The following NEDD9 variants were observed in gnomAD, a reference collection of about 807,000 sequenced individuals.
NEDD9 encodes the protein enhancer of filamentation 1.
In NEDD9, 26 loss-of-function variants were observed where a neutral mutation model predicts 76.6. The ratio of observed to expected loss-of-function variants is 0.34; its 90% CI spans 0.25 to 0.47. NEDD9 has a LOEUF of 0.47. NEDD9 is among the 20% of genes least tolerant of loss of function. The pLI, the probability that NEDD9 is intolerant of heterozygous loss-of-function variation, is 1.00. For missense variants in NEDD9, 937 were observed against 1,058.5 expected, an observed-to-expected ratio of 0.89 and a Z score of 1.59; for synonymous variants, 392 against 414.2, an observed-to-expected ratio of 0.95 and a Z score of 0.65.
At chr6:11,270,756 T>A (rs1026598151) in intron 3 of NEDD9, among the ~76,000 whole-genome samples, 2 of 152,204 alleles carry the variant, frequency 1.3e-5, no homozygotes, top group African/African-American at 2.4e-5. Flanking sequence ...CCCTCATTAG[T>A]TATTTACGTT....
At chr6:11,312,318 T>C (rs1761395591) in intron 2 of NEDD9, among the ~76,000 whole-genome samples, 1 of 152,180 alleles carries the variant, frequency 6.6e-6, no homozygotes. Flanking sequence ...ATGGTTTCCA[T>C]TGTCCATCTT....
chr6:11,234,633 T>C (rs977990187), upstream of NEDD9, among the ~76,000 whole-genome samples: 1 of 152,092 alleles, frequency 6.6e-6, no homozygotes, highest in African/African-American at 2.4e-5. Context: ...CTTGGGTCAG[T>C]ATATAGTTAG....
chr6:11,200,645 GAA>G (rs1758420214), intron 2 of NEDD9: 2 of 1,146,874 alleles, frequency 1.7e-6, no homozygotes, highest in Non-Finnish European at 1.1e-6. Context: ...AAGTCAGATA[GAA>G]AGAAATCAAT....
intron 1 of NEDD9, among the ~76,000 whole-genome samples, chr6:11,377,226 T>C (rs1005875897): frequency 2.6e-5 from 4 of 152,218 alleles, no homozygotes; most frequent in African/African-American, 9.6e-5. Context: ...ACCAGGGCAC[T>C]ACCTAGTGGA....
intron 3 of NEDD9, among the ~76,000 whole-genome samples, chr6:11,266,628 C>T (rs1233314432): frequency 6.6e-6 from 1 of 152,102 alleles, no homozygotes; most frequent in Non-Finnish European, 1.5e-5. Flanking sequence ...AACTTTTCTG[C>T]TTTTTATTGG....
chr6:11,333,586 G>T (rs1302784387), intron 2 of NEDD9, among the ~76,000 whole-genome samples: 1 of 152,220 alleles, frequency 6.6e-6, no homozygotes, highest in Non-Finnish European at 1.5e-5. Context: ...AGCGGCAGGT[G>T]CAGAGACCAC....
At chr6:11,276,847 A>T (rs1760427300) in intron 3 of NEDD9, among the ~76,000 whole-genome samples, 1 of 152,086 alleles carries the variant, frequency 6.6e-6, no homozygotes, top group Admixed American at 6.6e-5. Flanking sequence ...GGAAAGAGGG[A>T]TTCAAAGGAA....
intron 6 of NEDD9, among the ~76,000 whole-genome samples, chr6:11,186,612 TTTACTTTAC>T (rs1483273437): frequency 6.6e-6 from 1 of 151,796 alleles, no homozygotes; most frequent in Non-Finnish European, 1.5e-5. Context: ...CACAGCCAGC[TTTACTTTAC>T]TTTTCTTTTT....
upstream of NEDD9, among the ~76,000 whole-genome samples, chr6:11,237,017 C>T (rs747218219): frequency 6.6e-6 from 1 of 152,148 alleles, no homozygotes; most frequent in Non-Finnish European, 1.5e-5. This position sits in a 1 kb window ranked among gnomAD's most constrained non-coding sequence, Gnocchi z 4.9. Context: ...CAGGCAGGCC[C>T]CTTTGCTGAG....
At chr6:11,309,254 G>C (rs548555212) in intron 2 of NEDD9, among the ~76,000 whole-genome samples, 2 of 152,322 alleles carry the variant, frequency 1.3e-5, no homozygotes, top group African/African-American at 2.4e-5. Flanking sequence ...AATTTGCATT[G>C]CTGTATGGTA....
chr6:11,225,450 T>A (rs574248307), intron 1 of NEDD9, among the ~76,000 whole-genome samples: 3 of 152,362 alleles, frequency 2.0e-5, no homozygotes, highest in African/African-American at 7.2e-5. Flanking sequence ...TAGTAGTGGT[T>A]AGTGAGGGGA....
At chr6:11,230,317 G>C (rs1321755878) in intron 1 of NEDD9, among the ~76,000 whole-genome samples, 1 of 152,246 alleles carries the variant, frequency 6.6e-6, no homozygotes, top group Non-Finnish European at 1.5e-5. Flanking sequence ...TTAAAGTCAT[G>C]AGTTCTGGAG....
intron 3 of NEDD9, among the ~76,000 whole-genome samples, chr6:11,290,307 C>A (rs1196350773): frequency 2.0e-5 from 3 of 152,166 alleles, no homozygotes; most frequent in Non-Finnish European, 4.4e-5. Context: ...GACCTTCATT[C>A]CCCCCAAAGG....
At chr6:11,240,215 A>G (rs1224586336) in intron 3 of NEDD9, among the ~76,000 whole-genome samples, 2 of 152,128 alleles carry the variant, frequency 1.3e-5, no homozygotes, top group Non-Finnish European at 2.9e-5. Context: ...GCTAGGCAGC[A>G]GAGAATGGAA....
chr6:11,309,529 A>G (rs915289579), intron 2 of NEDD9, among the ~76,000 whole-genome samples: 3 of 152,162 alleles, frequency 2.0e-5, no homozygotes, highest in Non-Finnish European at 4.4e-5. Flanking sequence ...CTACAGGCTC[A>G]CAGAACCTTG....
Position 11,190,364 on chromosome 6 carries a change from G to A in NEDD9, c.1505C>T (p.Thr502Ile), listed in dbSNP as rs1230555565. ...GCTGCACTCATTTAAGTCATGGCTG[G>A]TTTGACTCAGGATCTGGTGGGAGTC... ...VEDSHQILSQ[T>I]SHDLNECSWS... Residue 502 changes from threonine to isoleucine, a missense_variant, in exon 5 of 7, where the codon ACC (threonine) becomes ATC (isoleucine). Thr to Ile is a moderately conservative substitution (Grantham distance 89, BLOSUM62 -1). Coordinates refer to ENST00000379446, the MANE Select transcript of NEDD9 (RefSeq NM_006403.4). This position sits in a 1 kb window ranked among gnomAD's most constrained non-coding sequence, Gnocchi z 5.8. 6.2e-7 allele frequency: 1 copy of A among 1,614,200 alleles called. No homozygotes were observed. The highest frequency in any genetic ancestry group is 8.5e-7 in the Non-Finnish European group (1 of 1,180,040).
intron 3 of NEDD9, among the ~76,000 whole-genome samples, chr6:11,242,215 G>A (rs1759722518): frequency 6.6e-6 from 1 of 152,166 alleles, no homozygotes; most frequent in African/African-American, 2.4e-5. Context: ...AAAAGCCAAA[G>A]GGGGTCTGGC....
intron 3 of NEDD9, chr6:11,305,984 G>C: frequency 1.9e-6 from 3 of 1,613,870 alleles, no homozygotes; most frequent in Non-Finnish European, 2.5e-6. Flanking sequence ...TTTTCTATCA[G>C]TACTCACCCT....
intron 3 of NEDD9, among the ~76,000 whole-genome samples, chr6:11,299,320 A>G (rs925321552): frequency 6.6e-6 from 1 of 152,210 alleles, no homozygotes; most frequent in Non-Finnish European, 1.5e-5. Context: ...TTGAGTAAAC[A>G]AAGTGTCACA....
Sources: gnomAD v4.1 joint callset for allele counts (sites outside exome capture counted in the v4.1 genomes callset) on GRCh38, gnomAD v4.1.1 for gene constraint, Gnocchi (gnomAD v3.1) non-coding constraint, MANE v1.5 for transcripts, NCBI Gene and HGNC (gene_info 2026-07-23, HGNC 2026-07-21) for gene names.